The following CCDC7 variants were observed in gnomAD, a reference collection of about 807,000 sequenced individuals.
The protein encoded by CCDC7 is coiled-coil domain containing 7.
A neutral mutation model predicts 196.9 loss-of-function variants in CCDC7; 183 were observed. The ratio of observed to expected loss-of-function variants is 0.93; its 90% CI spans 0.82 to 1.05. The LOEUF is 1.05. Among genes scored for constraint, CCDC7 ranks in the 50% least tolerant of loss-of-function variants. CCDC7 has a pLI of 0.00. For missense variants in CCDC7, 1,540 were observed against 1,482.2 expected, an observed-to-expected ratio of 1.04 and a Z score of -0.64; for synonymous variants, 525 against 484.6, an observed-to-expected ratio of 1.08 and a Z score of -1.10.
At chr10:32,548,701 T>G (rs1370322687) in intron 13 of CCDC7, among the ~76,000 whole-genome samples, 1 of 152,224 alleles carries the variant, frequency 6.6e-6, no homozygotes, top group African/African-American at 2.4e-5. Context: ...CTTAGAATAA[T>G]AGTCTCCAAT....
At chr10:32,527,931 G>C (rs2048925384) in intron 11 of CCDC7, among the ~76,000 whole-genome samples, 1 of 151,614 alleles carries the variant, frequency 6.6e-6, no homozygotes, top group African/African-American at 2.4e-5. Context: ...TATATGCATA[G>C]ACTGCATAGT....
intron 30 of CCDC7, 81 bp downstream of exon 31, chr10:32,805,179 G>T: frequency 2.1e-6 from 2 of 958,050 alleles, no homozygotes; most frequent in Non-Finnish European, 3.3e-6. Flanking sequence ...AATAGCAATG[G>T]TGCCCATTTG....
chr10:32,734,701 C>T (rs1428563237), intron 28 of CCDC7, among the ~76,000 whole-genome samples: 2 of 152,046 alleles, frequency 1.3e-5, no homozygotes, highest in Non-Finnish European at 2.9e-5. Flanking sequence ...TCGAGACCAG[C>T]CTGGGCAATA....
chr10:32,625,376 T>C (rs58822830), intron 18 of CCDC7, among the ~76,000 whole-genome samples: 8,181 of 151,774 alleles, frequency 0.054, 732 homozygotes, highest in African/African-American at 0.19. Context: ...TCTGTTTTAT[T>C]ATTATTATTT....
intron 8 of CCDC7, among the ~76,000 whole-genome samples, chr10:32,483,091 T>G (rs1194689138): frequency 1.4e-4 from 21 of 152,322 alleles, no homozygotes; most frequent in Middle Eastern, 6.8e-3. Context: ...TCCACAATGG[T>G]TGAACTAGTT....
chr10:32,695,600 C>T (rs184515711), intron 24 of CCDC7, among the ~76,000 whole-genome samples: 78 of 152,212 alleles, frequency 5.1e-4, no homozygotes, highest in Non-Finnish European at 9.4e-4. Flanking sequence ...CTGAGAGTGA[C>T]CTAGCCCTTG....
chr10:32,629,618 A>G (rs959857991), intron 18 of CCDC7, among the ~76,000 whole-genome samples: 17 of 152,132 alleles, frequency 1.1e-4, no homozygotes, highest in African/African-American at 4.1e-4. Flanking sequence ...CCCTCCTAGC[A>G]GTGGGGGAGA....
intron 29 of CCDC7, among the ~76,000 whole-genome samples, chr10:32,797,618 C>G (rs549404544): frequency 3.3e-5 from 5 of 152,052 alleles, no homozygotes; most frequent in Non-Finnish European, 7.4e-5. Flanking sequence ...CACTAAAGAA[C>G]TTATATAACC....
chr10:32,585,113 GC>G lies in CCDC7; in HGVS notation c.1801+812del, dbSNP rs565723026. On this transcript the variant is annotated intron_variant, in intron 18 of 41. Coordinates refer to ENST00000639629, the Ensembl canonical transcript of CCDC7. Reference sequence around the variant, plus strand: ...TTTTGAGACAGAGTCTTGCTCTGTCGCCCAGGCTGTAGTGCAGTGGCATGAT... The same window carrying G: ...TTTTGAGACAGAGTCTTGCTCTGTCGCCAGGCTGTAGTGCAGTGGCATGAT... Among the ~76,000 whole-genome samples, 27 of 149,154 alleles carry G rather than the reference GC, an allele frequency of 1.8e-4. No homozygotes were observed. In the South Asian group the frequency reaches 5.8e-3, roughly 32 times the overall value.
chr10:32,561,367 A>C (rs2055583872), intron 13 of CCDC7, among the ~76,000 whole-genome samples: 1 of 152,166 alleles, frequency 6.6e-6, no homozygotes, highest in African/African-American at 2.4e-5. Context: ...GCACCGCACC[A>C]CACCTATTTG....
chr10:32,706,302 T>C (rs1360884878), intron 24 of CCDC7, among the ~76,000 whole-genome samples: 5 of 152,088 alleles, frequency 3.3e-5, no homozygotes, highest in Non-Finnish European at 5.9e-5. Context: ...CTGGAATCTC[T>C]GGGACACATT....
chr10:32,632,227 T>A (rs1298202885), intron 18 of CCDC7, among the ~76,000 whole-genome samples: 1 of 151,840 alleles, frequency 6.6e-6, no homozygotes, highest in East Asian at 1.9e-4. Flanking sequence ...TGTTTTTACT[T>A]TAGTGGGAAA....
chr10:32,745,109 A>G (rs1370899473), intron 28 of CCDC7, among the ~76,000 whole-genome samples: 3 of 152,188 alleles, frequency 2.0e-5, no homozygotes, highest in African/African-American at 4.8e-5. Flanking sequence ...TTGCTCCTTC[A>G]TTAAAATTGG....
At chr10:32,625,365 G>T (rs1564865805) in intron 18 of CCDC7, among the ~76,000 whole-genome samples, 1 of 151,218 alleles carries the variant, frequency 6.6e-6, no homozygotes, top group South Asian at 2.1e-4. Flanking sequence ...TGACCTATGT[G>T]TCTGTTTTAT....
At chr10:32,792,530 G>A (rs879745135) in intron 29 of CCDC7, among the ~76,000 whole-genome samples, 18 of 152,198 alleles carry the variant, frequency 1.2e-4, no homozygotes, top group Non-Finnish European at 2.5e-4. Flanking sequence ...GCTGGGCATG[G>A]TGGCTCATGC....
intron 22 of CCDC7, 65 bp from the exon 44 acceptor site, chr10:32,882,628 T>C (rs2094832815): frequency 6.6e-6 from 1 of 152,196 alleles, no homozygotes; most frequent in Non-Finnish European, 1.5e-5. Flanking sequence ...GAAAGGTTTG[T>C]ATGTGTGTAT....
At chr10:32,607,659 T>C (rs73257405) in intron 18 of CCDC7, among the ~76,000 whole-genome samples, 2,667 of 152,322 alleles carry the variant, frequency 0.018, 83 homozygotes, top group African/African-American at 0.061. Context: ...ATCATCTTTA[T>C]GTCCCTGAGG....
At chr10:32,681,741 A>T (rs2075882276) in intron 21 of CCDC7, among the ~76,000 whole-genome samples, 1 of 51,154 alleles carries the variant, frequency 2.0e-5, no homozygotes, top group Non-Finnish European at 5.2e-5. Context: ...ATATGTATAC[A>T]CACACACACA....
chr10:32,569,985 T>G (rs2057353967), intron 15 of CCDC7, among the ~76,000 whole-genome samples: 1 of 152,198 alleles, frequency 6.6e-6, no homozygotes, highest in South Asian at 2.1e-4. Flanking sequence ...CCATATACTC[T>G]TTCTGAACAT....
Sources: allele counts gnomAD v4.1 joint callset (sites outside exome capture counted in the v4.1 genomes callset), GRCh38; gene constraint gnomAD v4.1.1; transcripts MANE v1.5; gene names NCBI Gene and HGNC (gene_info 2026-07-23, HGNC 2026-07-21).